The following ANO1 variants were observed in gnomAD, a reference collection of about 807,000 sequenced individuals.
The protein encoded by ANO1 is anoctamin-1.
In ANO1, 59 loss-of-function variants were observed where a neutral mutation model predicts 124.0. The observed-to-expected ratio is 0.48, with a 90% confidence interval of 0.39 to 0.59. ANO1 has a LOEUF of 0.59. Ranked by LOEUF, ANO1 falls within the 20% of genes least tolerant of loss-of-function variation. ANO1 has a pLI of 0.00. For missense variants in ANO1, 1,059 were observed against 1,328.0 expected (o/e 0.80, Z 3.15); for synonymous variants, 529 against 532.0 (o/e 0.99, Z 0.08).
chr11:70,043,537 C>A (rs1857212549), intron 1 of ANO1, among the ~76,000 whole-genome samples: 1 of 152,056 alleles, frequency 6.6e-6, no homozygotes, highest in South Asian at 2.1e-4. Flanking sequence ...ACATTATAAT[C>A]AAACTGCTGA....
intron 11 of ANO1, among the ~76,000 whole-genome samples, chr11:70,144,687 C>G (rs1195364113): frequency 6.6e-6 from 1 of 152,220 alleles, no homozygotes; most frequent in African/African-American, 2.4e-5. Context: ...GACTCCTGGA[C>G]TCCAGATTTC....
At chr11:70,157,050 A>G in intron 16 of ANO1, 29 bp downstream of exon 16, 1 of 1,595,286 alleles carries the variant, frequency 6.3e-7, no homozygotes, top group South Asian at 1.1e-5. Flanking sequence ...AGGCCAGACG[A>G]AGTCAGGGGA....
rs1197159367 is a variant in ANO1 at position 70,088,690 on chromosome 11, G to A, written c.441+606G>A. 3.9e-5 allele frequency among the ~76,000 whole-genome samples: 6 copies of A among 152,256 alleles called. No individual in the cohort carries two copies. The South Asian group carries it at 8.3e-4, about 21-fold the overall frequency. ...CCATGACCTTCAGAGTCAGAGCATC[G>A]CCTGCTTCTGGTCAGCTCCTTTCCT... On this transcript the variant is annotated intron_variant, in intron 2 of 25. Coordinates refer to ENST00000355303, the MANE Select transcript of ANO1 (RefSeq NM_018043.7).
chr11:70,005,576 G>A lies in ANO1; in HGVS notation c.58+19410G>A, dbSNP rs150868631. ...GAGGCATATTTTTAGTGTGAGGTGG[G>A]TTGTGTTTATTTATTCGATGAATAG... On this transcript the variant is annotated intron_variant, in intron 1 of 27. Transcript: ENST00000531349. Among the ~76,000 whole-genome samples, 155 of 152,316 alleles carry A rather than the reference G, an allele frequency of 1.0e-3. 1 individual carries two copies. The highest frequency in any genetic ancestry group is 3.4e-3 in the Middle Eastern group (1 of 294).
At chr11:69,997,750 A>G (rs1856299718) in intron 1 of ANO1, among the ~76,000 whole-genome samples, 1 of 152,080 alleles carries the variant, frequency 6.6e-6, no homozygotes, top group Non-Finnish European at 1.5e-5. Context: ...CTCACGAACC[A>G]GTTTTCATCG....
intron 22 of ANO1, among the ~76,000 whole-genome samples, chr11:70,176,250 C>T (rs1454578740): frequency 1.3e-5 from 2 of 151,094 alleles, no homozygotes; most frequent in South Asian, 2.1e-4. Context: ...TGGGTTCAAG[C>T]GATTCTCCTG....
At chr11:70,125,210 G>A (rs939334205) in intron 9 of ANO1, among the ~76,000 whole-genome samples, 2 of 152,200 alleles carry the variant, frequency 1.3e-5, no homozygotes, top group African/African-American at 4.8e-5. Flanking sequence ...GGCAGTGATG[G>A]TGCATGCCTA....
chr11:70,132,177 G>A (rs558198024), intron 11 of ANO1, 98 bp downstream of exon 11: 11 of 1,412,576 alleles, frequency 7.8e-6, no homozygotes, highest in Non-Finnish European at 1.0e-5. Context: ...TCCTCAGGCA[G>A]GGGTTGTCGG....
intron 8 of ANO1, among the ~76,000 whole-genome samples, chr11:70,121,409 CT>C (rs2046261972): frequency 6.8e-6 from 1 of 146,884 alleles, no homozygotes; most frequent in Non-Finnish European, 1.5e-5. Flanking sequence ...GTCTCTCTCC[CT>C]GTCTCCCCCA....
chr11:70,044,729 T>C (rs909949811), intron 1 of ANO1, among the ~76,000 whole-genome samples: 35 of 152,134 alleles, frequency 2.3e-4, no homozygotes, highest in Admixed American at 5.2e-4. Context: ...AAGGTCAAAA[T>C]AGTGGCTGGC....
At chr11:70,084,884 A>T (rs2044313373) in intron 1 of ANO1, among the ~76,000 whole-genome samples, 2 of 152,164 alleles carry the variant, frequency 1.3e-5, no homozygotes, top group Non-Finnish European at 2.9e-5. Flanking sequence ...TCTGGTACTC[A>T]GGGCCACTGA....
upstream of ANO1, among the ~76,000 whole-genome samples, chr11:69,981,790 T>G (rs1192602523): frequency 6.6e-6 from 1 of 152,178 alleles, no homozygotes; most frequent in African/African-American, 2.4e-5. Context: ...ACAGTCCAAA[T>G]GGCTATCCAA....
At chr11:70,002,343 A>G (rs544896760) in intron 1 of ANO1, among the ~76,000 whole-genome samples, 2 of 151,740 alleles carry the variant, frequency 1.3e-5, no homozygotes, top group Admixed American at 1.3e-4. Context: ...ATGTGCCTGT[A>G]GTCCCAGCTA....
chr11:70,117,297 C>T (rs1181895150), intron 8 of ANO1, among the ~76,000 whole-genome samples: 1 of 151,990 alleles, frequency 6.6e-6, no homozygotes, highest in African/African-American at 2.4e-5. Context: ...TCTTGAACTC[C>T]TGACCTCAAA....
At chr11:70,097,443 G>A (rs955242931) in intron 2 of ANO1, among the ~76,000 whole-genome samples, 19 of 152,216 alleles carry the variant, frequency 1.2e-4, no homozygotes, top group African/African-American at 3.4e-4. Flanking sequence ...TAACTGTGGC[G>A]TGGGAAATAC....
intron 1 of ANO1, among the ~76,000 whole-genome samples, chr11:70,019,448 G>A (rs782718591): frequency 7.9e-5 from 12 of 152,126 alleles, no homozygotes; most frequent in Non-Finnish European, 1.5e-4. Flanking sequence ...AGAGGGTGCC[G>A]CAGGAAATGG....
At chr11:70,178,537 A>G (rs113288999) in intron 22 of ANO1, among the ~76,000 whole-genome samples, 19 of 151,222 alleles carry the variant, frequency 1.3e-4, no homozygotes, top group African/African-American at 4.1e-4. Context: ...CAAATTGCCT[A>G]CCAGCAATGG....
intron 1 of ANO1, among the ~76,000 whole-genome samples, chr11:69,987,543 C>T (rs1207726797): frequency 5.4e-5 from 8 of 147,972 alleles, no homozygotes; most frequent in East Asian, 2.0e-4. Context: ...CGCTTGAGCC[C>T]GCAGTGTGCC....
At position 70,165,466 on chromosome 11, in the gene ANO1, A is replaced by G; in HGVS notation, c.1951-4A>G. 1 of 1,605,774 alleles carries G rather than the reference A, an allele frequency of 6.2e-7. No homozygotes were observed. Among genetic ancestry groups the G allele is most frequent in the Non-Finnish European group, 8.5e-7 (1 of 1,176,360 alleles). On this transcript the variant is annotated splice_region_variant and splice_polypyrimidine_tract_variant and intron_variant, in intron 19 of 25. Transcript: ENST00000355303. ...GCGTGGCTGATGCTGCTCTCTGTCCACAGTGTGCGCCAGGGGGCTGCCTGA... is the reference window on the plus strand; with the variant it reads ...GCGTGGCTGATGCTGCTCTCTGTCCGCAGTGTGCGCCAGGGGGCTGCCTGA...
Sources: gnomAD v4.1 joint callset for allele counts (sites outside exome capture counted in the v4.1 genomes callset) on GRCh38, gnomAD v4.1.1 for gene constraint, MANE v1.5 for transcripts, NCBI Gene and HGNC (gene_info 2026-07-23, HGNC 2026-07-21) for gene names.